BRCA2: variants seen among roughly 807,000 people sequenced by gnomAD.
BRCA2 encodes BRCA2 DNA repair associated.
Under a neutral mutation model 276.7 loss-of-function variants are expected in BRCA2, and 203 were observed. The observed-to-expected ratio is 0.73, with a 90% CI of 0.65 to 0.82. The LOEUF (loss-of-function observed/expected upper bound fraction) is 0.82, where lower values mean the gene tolerates loss of function less well. BRCA2 is among the 40% of genes least tolerant of loss of function. The probability of loss-of-function intolerance (pLI) is 0.00; values close to 1 mark genes in which losing one functional copy is unlikely to be tolerated. For missense variants in BRCA2, 3,920 were observed against 3,915.0 expected (o/e 1.00, Z -0.03); for synonymous variants, 1,289 against 1,338.4 (o/e 0.96, Z 0.81).
intron 24 of BRCA2, among the ~76,000 whole-genome samples, chr13:32,393,410 G>C (rs1466947538): frequency 3.9e-5 from 6 of 151,912 alleles, no homozygotes; most frequent in Admixed American, 6.6e-5. Context: ...ATGGACTCAA[G>C]AACATTTATT....
chr13:32,389,647 C>T (rs2072983819), intron 24 of BRCA2, among the ~76,000 whole-genome samples: 1 of 152,158 alleles, frequency 6.6e-6, no homozygotes, highest in South Asian at 2.1e-4. Flanking sequence ...GTCATCATTC[C>T]AATTGATGTG....
At position 32,337,458 on chromosome 13, in the gene BRCA2, G is replaced by T. The variant is rs80358556; in HGVS notation, c.3103G>T (p.Glu1035Ter). Residue 1035 changes from glutamate to a stop codon, truncating the protein, a stop_gained, in exon 11 of 27, where the codon GAA becomes TAA. Transcript: ENST00000380152. LOFTEE classifies it high-confidence loss of function. ...KKSKMFFKDI[E>*]EQYPTSLACV... is the part of the protein sequence containing the mutation. ...GAGCAAAATGTTCTTCAAAGATATT[G>T]AAGAACAATATCCTACTAGTTTAGC... is the stretch of plus-strand genomic sequence containing the variant. 8 of 1,612,512 alleles carry T rather than the reference G, an allele frequency of 5.0e-6. No homozygotes were observed. The highest frequency in any genetic ancestry group is 2.7e-5 in the African/African-American group (2 of 74,836).
chr13:32,330,020 A>G (rs1035258280), intron 8 of BRCA2, among the ~76,000 whole-genome samples: 7 of 152,152 alleles, frequency 4.6e-5, no homozygotes, highest in African/African-American at 1.7e-4. Context: ...TCATCAGCAG[A>G]TGTGGCCTCT....
chr13:32,358,475 T>C (rs1282743342), intron 16 of BRCA2, among the ~76,000 whole-genome samples: 2 of 108,630 alleles, frequency 1.8e-5, no homozygotes, highest in Admixed American at 9.8e-5. Flanking sequence ...AGACTCCATC[T>C]CAAAAAAAAA....
chr13:32,338,853 G>A lies in BRCA2; in HGVS notation c.4498G>A (p.Gly1500Arg), dbSNP rs765328255. The change falls in exon 11 of 27, where the codon GGA becomes AGA. Residue 1500 changes from glycine to arginine, a missense_variant. Physicochemically the swap from Gly to Arg is moderately radical, Grantham distance 125. Around this residue, in one of 2 missense-constraint regions of BRCA2, gnomAD observed 3,263 missense variants for 3,156.9 expected, o/e 1.03. Coordinates refer to ENST00000380152, the MANE Select transcript of BRCA2 (RefSeq NM_000059.4). ...ILKESVPVGT[G>R]NQLVTFQGQP... ...GAAAGAAAGTGTCCCAGTTGGTACT[G>A]GAAATCAACTAGTGACCTTCCAGGG... 3 of 1,613,660 alleles carry A rather than the reference G, an allele frequency of 1.9e-6. No individual in the cohort carries two copies. The highest frequency in any genetic ancestry group is 1.6e-4 in the Middle Eastern group (1 of 6,084).
At position 32,333,325 on chromosome 13, in the gene BRCA2, G is replaced by C. The variant is rs1230674723; in HGVS notation, c.1847G>C (p.Cys616Ser). The C allele has an allele frequency of 1.2e-6, 2 of 1,608,452 alleles. No individual in the cohort carries two copies. Among genetic ancestry groups the C allele is most frequent in the African/African-American group, 2.7e-5 (2 of 74,356 alleles). Residue 616 changes from cysteine (C) to serine (S), a missense_variant, in exon 10 of 27, where the codon TGT becomes TCT. Physicochemically the swap from Cys to Ser is moderately radical, Grantham distance 112. This residue lies in a region of BRCA2 where 3,263 missense variants were observed against 3,156.9 expected (regional missense o/e 1.03). Coordinates refer to ENST00000380152, the MANE Select transcript of BRCA2 (RefSeq NM_000059.4). ...GACCAAAAATCAGAACTAATTAACTGTTCAGCCCAGTTTGAAGCAAATGCT... is the reference window on the plus strand; with the variant it reads ...GACCAAAAATCAGAACTAATTAACTCTTCAGCCCAGTTTGAAGCAAATGCT... ...PKDQKSELIN[C>S]SAQFEANAFE...
intron 8 of BRCA2, among the ~76,000 whole-genome samples, chr13:32,329,744 T>C (rs900695867): frequency 6.6e-6 from 1 of 152,018 alleles, no homozygotes; most frequent in Non-Finnish European, 1.5e-5. Context: ...TATCCCCCAG[T>C]GAATGCTTGA....
chr13:32,343,207 TTGTG>T (rs978500021), intron 11 of BRCA2, among the ~76,000 whole-genome samples: 2 of 152,312 alleles, frequency 1.3e-5, no homozygotes, highest in Admixed American at 1.3e-4. Context: ...TTTTGTTTTT[TTGTG>T]TGTGTTTTTT....
intron 24 of BRCA2, among the ~76,000 whole-genome samples, chr13:32,390,576 C>G (rs1459880836): frequency 6.6e-6 from 1 of 152,166 alleles, no homozygotes; most frequent in African/African-American, 2.4e-5. Flanking sequence ...TTCTCCCCCT[C>G]TTGATGAATT....
chr13:32,394,312 T>A lies in BRCA2; in HGVS notation c.9257-377T>A, dbSNP rs144839924. Among the ~76,000 whole-genome samples, 92 of 152,316 alleles carry A rather than the reference T, an allele frequency of 6.0e-4. 2 individuals are homozygous for A. The East Asian group carries it at 0.017, about 29-fold the overall frequency. On this transcript the variant is annotated intron_variant, in intron 24 of 26. Coordinates refer to ENST00000380152, the MANE Select transcript of BRCA2 (RefSeq NM_000059.4). ...ATGTGTATTTTACTATTATTAGAGG[T>A]CTATCTTCAGAGAGGAGTACAAGAA...
chr13:32,363,911 A>G (rs1174372835), intron 18 of BRCA2, among the ~76,000 whole-genome samples: 2 of 152,148 alleles, frequency 1.3e-5, no homozygotes, highest in South Asian at 2.1e-4. Flanking sequence ...TTTTATCTCT[A>G]TGTAGATTTT....
chr13:32,396,910 C>T lies in BRCA2; in HGVS notation c.9514C>T (p.Leu3172Phe), dbSNP rs2137658769. The stretch of plus-strand genomic sequence containing the variant: ...CTTATTTTCTTAGAATATTGACATA[C>T]TTTGCAATGAAGCAGAAAACAAGCT... ...MKNTVENIDI[L>F]CNEAENKLMH... The change falls in exon 26 of 27, where the codon CTT becomes TTT. Residue 3172 changes from leucine to phenylalanine, a missense_variant. Physicochemically the swap from Leu to Phe is conservative, Grantham distance 22. Transcript: ENST00000380152. 6.2e-7 allele frequency: 1 copy of T among 1,614,074 alleles called. No individual in the cohort carries two copies.
chr13:32,374,658 T>C (rs2072858860), intron 20 of BRCA2, among the ~76,000 whole-genome samples: 2 of 152,356 alleles, frequency 1.3e-5, no homozygotes, highest in African/African-American at 2.4e-5. Flanking sequence ...CATCTCCATC[T>C]GAGACCACCT....
At chr13:32,359,136 C>T (rs1287589039) in intron 16 of BRCA2, among the ~76,000 whole-genome samples, 1 of 146,732 alleles carries the variant, frequency 6.8e-6, no homozygotes, top group Non-Finnish European at 1.5e-5. Flanking sequence ...GCAGGAAAAT[C>T]GTTTGAACCC....
intron 18 of BRCA2, among the ~76,000 whole-genome samples, chr13:32,368,970 C>A (rs190987832): frequency 6.6e-6 from 1 of 151,964 alleles, no homozygotes; most frequent in African/African-American, 2.4e-5. Flanking sequence ...GCCACCACCC[C>A]TGGCTAATTT....
intron 24 of BRCA2, among the ~76,000 whole-genome samples, chr13:32,387,911 C>T (rs1428186586): frequency 2.0e-5 from 3 of 152,124 alleles, no homozygotes; most frequent in Non-Finnish European, 4.4e-5. Context: ...CCTTACCATG[C>T]CCCCTTGTCT....
At position 32,398,211 on chromosome 13, in the gene BRCA2, G is replaced by T. The variant is rs398122620; in HGVS notation, c.9698G>T (p.Cys3233Phe). The T allele has an allele frequency of 3.7e-6, 6 of 1,612,718 alleles. No homozygotes were observed. Among genetic ancestry groups the T allele is most frequent in the Non-Finnish European group, 5.1e-6 (6 of 1,179,466 alleles). ...EIYYQSPLSL[C>F]MAKRKSVSTP... ...TATTATCAAAGTCCTTTATCACTTT[G>T]TATGGCCAAAAGGAAGTCTGTTTCC... Residue 3233 changes from cysteine (C) to phenylalanine (F), a missense_variant, in exon 27 of 27, where the codon TGT (cysteine) becomes TTT (phenylalanine). This residue lies in a region of BRCA2 where 657 missense variants were observed against 758.2 expected (regional missense o/e 0.87). Coordinates refer to ENST00000380152, the MANE Select transcript of BRCA2 (RefSeq NM_000059.4).
Position 32,346,927 on chromosome 13 carries a change from A to T in BRCA2, c.7007+31A>T, listed in dbSNP as rs555236509. 84 of 1,529,958 alleles carry T rather than the reference A, an allele frequency of 5.5e-5. No individual in the cohort carries two copies. In the South Asian group the frequency reaches 7.3e-4, roughly 13 times the overall value. 94.8% of individuals were successfully genotyped at this position (1,529,958 alleles called of 1,614,324 possible). On this transcript the variant is annotated intron_variant, in intron 13 of 26. Transcript: ENST00000380152. ...ACATGTTTAAATTTTTCTAAATTCT[A>T]ATACAGTATGAGAAAAGTCTCGTTT...
intron 18 of BRCA2, among the ~76,000 whole-genome samples, chr13:32,364,342 C>T (rs2072766761): frequency 6.6e-6 from 1 of 152,194 alleles, no homozygotes; most frequent in African/African-American, 2.4e-5. Flanking sequence ...TCCCCATCCT[C>T]ATTCATGGTC....
Sources: gnomAD v4.1 joint callset for allele counts (sites outside exome capture counted in the v4.1 genomes callset) on GRCh38, gnomAD v4.1.1 for gene constraint, gnomAD v4.1.1 regional missense constraint, MANE v1.5 for transcripts, NCBI Gene and HGNC (gene_info 2026-07-23, HGNC 2026-07-21) for gene names.